Variants in PHTF2 observed in about 807,000 individuals in gnomAD.
PHTF2 encodes the protein putative homeodomain transcription factor 2, also known as protein PHTF2.
PHTF2 carries 60 observed loss-of-function variants against 101.2 expected under a neutral mutation model. That is an observed-to-expected ratio of 0.59 (90% confidence interval 0.48 to 0.73). The LOEUF (loss-of-function observed/expected upper bound fraction) is 0.73, where lower values mean the gene tolerates loss of function less well. Ranked by LOEUF, PHTF2 falls within the 30% of genes least tolerant of loss-of-function variation. The probability of loss-of-function intolerance (pLI) is 0.00; values close to 1 mark genes in which losing one functional copy is unlikely to be tolerated. For synonymous variants in PHTF2, 311 were observed against 307.3 expected, an observed-to-expected ratio of 1.01 and a Z score of -0.13; for missense variants, 747 against 908.7, an observed-to-expected ratio of 0.82 and a Z score of 2.29.
intron 2 of PHTF2, among the ~76,000 whole-genome samples, chr7:77,851,111 T>C (rs1278298232): frequency 6.6e-6 from 1 of 152,208 alleles, no homozygotes; most frequent in Non-Finnish European, 1.5e-5. Flanking sequence ...ATCAGAGTAA[T>C]ACTGGCCTCA....
intron 16 of PHTF2, among the ~76,000 whole-genome samples, chr7:77,947,143 C>T (rs1806118269): frequency 6.6e-6 from 1 of 150,776 alleles, no homozygotes; most frequent in Non-Finnish European, 1.5e-5. Flanking sequence ...ACAACAAACG[C>T]ATATGTTATT....
chr7:77,816,192 A>C (rs893940924), intron 1 of PHTF2, among the ~76,000 whole-genome samples: 3 of 151,964 alleles, frequency 2.0e-5, no homozygotes, highest in Non-Finnish European at 4.4e-5. Flanking sequence ...CTCGTGCCTC[A>C]GTCTCTCAAG....
intron 3 of PHTF2, among the ~76,000 whole-genome samples, chr7:77,879,072 C>T (rs1187632633): frequency 2.0e-5 from 3 of 152,144 alleles, no homozygotes; most frequent in Non-Finnish European, 4.4e-5. Context: ...ATCTTTATTT[C>T]TTATGCAACC....
intron 5 of PHTF2, among the ~76,000 whole-genome samples, chr7:77,897,217 G>T (rs561688728): frequency 1.3e-5 from 2 of 151,262 alleles, no homozygotes; most frequent in Admixed American, 1.3e-4. Flanking sequence ...TACTTTGATG[G>T]AGTCTAGATA....
At chr7:77,895,453 G>A (rs1800795128) in intron 5 of PHTF2, among the ~76,000 whole-genome samples, 1 of 152,026 alleles carries the variant, frequency 6.6e-6, no homozygotes, top group South Asian at 2.1e-4. Context: ...GCAGCAGAGA[G>A]GTCTAGTAAG....
chr7:77,888,575 A>G (rs945529280), intron 3 of PHTF2, among the ~76,000 whole-genome samples: 2 of 152,232 alleles, frequency 1.3e-5, no homozygotes, highest in African/African-American at 4.8e-5. Flanking sequence ...TCAAAATATT[A>G]CATAGTATTT....
At chr7:77,845,968 T>C (rs953427388) in intron 2 of PHTF2, among the ~76,000 whole-genome samples, 5 of 152,326 alleles carry the variant, frequency 3.3e-5, no homozygotes, top group East Asian at 3.9e-4. Flanking sequence ...TGCCTCTTTT[T>C]TTCCTATTGC....
intron 5 of PHTF2, among the ~76,000 whole-genome samples, chr7:77,898,092 C>G (rs1162837181): frequency 2.0e-5 from 3 of 150,750 alleles, no homozygotes; most frequent in African/African-American, 7.3e-5. Context: ...CAATATAGCT[C>G]AAAATAAATA....
intron 2 of PHTF2, among the ~76,000 whole-genome samples, chr7:77,848,282 G>T (rs957342694): frequency 3.3e-5 from 5 of 152,218 alleles, no homozygotes; most frequent in Admixed American, 3.3e-4. Context: ...AGGAACCTCC[G>T]TACTGTTCTC....
chr7:77,940,054 G>T lies in PHTF2; in HGVS notation c.1492G>T (p.Gly498Ter), dbSNP rs1366304232. The stretch of plus-strand genomic sequence containing the variant: ...GGTGAACAGCCATATACCAGGAATA[G>T]GATACCAGATTTTTGGAAATGCAGT... The change falls in exon 14 of 20, where the codon GGA becomes TGA. Residue 498 changes from glycine to a stop codon, truncating the protein, a stop_gained. Transcript: ENST00000416283. LOFTEE classifies it high-confidence loss of function. 1 of 1,613,162 alleles carries T rather than the reference G, an allele frequency of 6.2e-7. No individual in the cohort carries two copies. Among genetic ancestry groups the T allele is most frequent in the East Asian group, 2.2e-5 (1 of 44,856 alleles).
chr7:77,869,839 G>GT (rs368876712), intron 3 of PHTF2, among the ~76,000 whole-genome samples: 2 of 151,950 alleles, frequency 1.3e-5, no homozygotes, highest in African/African-American at 4.8e-5. Context: ...TGTTGTTGCT[G>GT]TTTTTGTTTT....
intron 3 of PHTF2, among the ~76,000 whole-genome samples, chr7:77,881,522 T>G (rs1348564778): frequency 8.0e-5 from 2 of 25,022 alleles, no homozygotes; most frequent in Admixed American, 4.6e-4. Flanking sequence ...CTGGTTTTGT[T>G]TTTTTTTTTT....
intron 1 of PHTF2, among the ~76,000 whole-genome samples, chr7:77,824,462 T>C (rs1794552158): frequency 6.6e-6 from 1 of 152,150 alleles, no homozygotes; most frequent in African/African-American, 2.4e-5. Context: ...ATTTAAATTT[T>C]ACTTTTAGGC....
chr7:77,923,918 A>G (rs1314953919), intron 11 of PHTF2: 1 of 968,612 alleles, frequency 1.0e-6, no homozygotes, highest in Non-Finnish European at 1.2e-6. Context: ...CTTTTAAATT[A>G]AAAGGTTGTT....
intron 9 of PHTF2, among the ~76,000 whole-genome samples, chr7:77,918,984 A>G (rs894016686): frequency 2.0e-5 from 3 of 152,238 alleles, no homozygotes; most frequent in African/African-American, 7.2e-5. Flanking sequence ...GCCTGTTTGC[A>G]TAAGACAGAA....
intron 1 of PHTF2, among the ~76,000 whole-genome samples, chr7:77,811,142 T>C (rs1465135289): frequency 6.6e-6 from 1 of 152,200 alleles, no homozygotes; most frequent in Non-Finnish European, 1.5e-5. Context: ...CCTCAAGTGA[T>C]CCACCTGCCT....
At chr7:77,875,061 T>TC (rs1798815789) in intron 3 of PHTF2, among the ~76,000 whole-genome samples, 1 of 152,226 alleles carries the variant, frequency 6.6e-6, no homozygotes, top group Non-Finnish European at 1.5e-5. Flanking sequence ...TGTGCTGCCT[T>TC]CAGCTTTGTT....
chr7:77,824,076 C>G (rs921917512), intron 1 of PHTF2, among the ~76,000 whole-genome samples: 15 of 152,028 alleles, frequency 9.9e-5, no homozygotes, highest in African/African-American at 3.4e-4. Flanking sequence ...GGAGGTATGA[C>G]AAATACGTTA....
chr7:77,890,298 A>T lies in PHTF2; in HGVS notation c.148-3310A>T, dbSNP rs1800272038. On this transcript the variant is annotated intron_variant, in intron 3 of 19. Transcript: ENST00000416283. ...CTTTCTAACCTCGGGCCTATTAAGT[A>T]CCATGCTGGAGTTGCACTGAACCTA... Among the ~76,000 whole-genome samples the T allele has an allele frequency of 2.0e-5, 3 of 152,200 alleles. No homozygotes were observed. In the South Asian group the frequency reaches 6.2e-4, roughly 31 times the overall value.
Sources: gnomAD v4.1 joint callset for allele counts (sites outside exome capture counted in the v4.1 genomes callset) on GRCh38, gnomAD v4.1.1 for gene constraint, MANE v1.5 for transcripts, NCBI Gene and HGNC (gene_info 2026-07-23, HGNC 2026-07-21) for gene names.